Variants in ILKAP observed in about 807,000 individuals in gnomAD.
ILKAP encodes the protein ILK associated serine/threonine phosphatase.
ILKAP carries 11 observed loss-of-function variants against 49.1 expected under a neutral mutation model. The observed-to-expected ratio is 0.22, with a 90% CI of 0.14 to 0.37. The LOEUF (loss-of-function observed/expected upper bound fraction) is 0.37. ILKAP is among the 10% of genes least tolerant of loss of function. ILKAP has a pLI of 1.00. For missense variants in ILKAP, 363 were observed against 510.8 expected (o/e 0.71, Z 2.79); for synonymous variants, 186 against 192.8 (o/e 0.96, Z 0.29).
chr2:238,194,859 G>A lies in ILKAP; in HGVS notation c.67C>T (p.Gln23Ter). 4 of 1,614,030 alleles carry A rather than the reference G, an allele frequency of 2.5e-6. No individual in the cohort carries two copies. Among genetic ancestry groups the A allele is most frequent in the Non-Finnish European group, 3.4e-6 (4 of 1,179,890 alleles). The change falls in exon 2 of 12, where the codon CAG becomes TAG. Residue 23 changes from glutamine to a stop codon, truncating the protein, a stop_gained. Coordinates refer to ENST00000254654, the MANE Select transcript of ILKAP (RefSeq NM_030768.3). LOFTEE classifies it high-confidence loss of function. ...TCATCAAAGAGCAGGGGTCCTTTCT[G>A]AGCTTCTTTCCCTAAAACACAGAAA... ...SPRPAAGKEA[Q>*]KGPLLFDDLP...
intron 3 of ILKAP, among the ~76,000 whole-genome samples, chr2:238,191,987 C>T (rs980663458): frequency 2.0e-5 from 3 of 150,916 alleles, no homozygotes; most frequent in Admixed American, 6.6e-5. Context: ...CAGAGGCAGG[C>T]GGATCATGAG....
intron 9 of ILKAP, among the ~76,000 whole-genome samples, chr2:238,180,765 G>C (rs189626026): frequency 4.4e-4 from 67 of 152,324 alleles, no homozygotes; most frequent in African/African-American, 1.5e-3. Context: ...TAAGGACTGG[G>C]ATATAGGAAG....
intron 4 of ILKAP, 180 bp from the exon 5 acceptor site, chr2:238,188,437 G>A (rs1693992568): frequency 1.0e-5 from 7 of 685,324 alleles, no homozygotes; most frequent in South Asian, 8.0e-5. Context: ...AACTCAAATC[G>A]GAGCACTGTT....
At chr2:238,187,492 T>C (rs1398723948) in intron 5 of ILKAP, among the ~76,000 whole-genome samples, 6 of 152,170 alleles carry the variant, frequency 3.9e-5, no homozygotes, top group Non-Finnish European at 2.9e-5. Flanking sequence ...CAACTTAATG[T>C]CCTACCTTCT....
intron 1 of ILKAP, among the ~76,000 whole-genome samples, chr2:238,200,539 G>A (rs1037892084): frequency 2.0e-5 from 3 of 152,182 alleles, no homozygotes; most frequent in Non-Finnish European, 4.4e-5. Context: ...TAATGGCTCA[G>A]CCAGGCACAG....
intron 3 of ILKAP, among the ~76,000 whole-genome samples, chr2:238,191,669 A>G (rs1694127868): frequency 6.6e-6 from 1 of 152,212 alleles, no homozygotes; most frequent in South Asian, 2.1e-4. Flanking sequence ...GCACTTTGGG[A>G]GGCTGAGATG....
intron 7 of ILKAP, 75 bp downstream of exon 7, chr2:238,183,945 C>T (rs756976372): frequency 1.2e-5 from 13 of 1,066,020 alleles, no homozygotes; most frequent in Non-Finnish European, 1.9e-5. Flanking sequence ...TGTTAAACCA[C>T]ATCAGAAGAC....
chr2:238,193,086 A>G (rs1694206485), intron 3 of ILKAP, among the ~76,000 whole-genome samples: 2 of 152,246 alleles, frequency 1.3e-5, no homozygotes, highest in African/African-American at 4.8e-5. Context: ...CAAAAAATTA[A>G]GCTTGTTAAT....
At chr2:238,173,724 C>T (rs1383093985) in intron 9 of ILKAP, 71 bp from the exon 10 acceptor site, 1 of 1,509,490 alleles carries the variant, frequency 6.6e-7, no homozygotes, top group South Asian at 1.2e-5. Context: ...AGAATCTCAC[C>T]TTAAAAGCAG....
At position 238,182,194 on chromosome 2, in the gene ILKAP, G is replaced by T. The variant is rs191155817; in HGVS notation, c.715-8C>A. The T allele has an allele frequency of 5.4e-4, 877 of 1,613,138 alleles. No individual in the cohort carries two copies. The highest frequency in any genetic ancestry group is 2.9e-3 in the Admixed American group (172 of 60,004). On this transcript the variant is annotated splice_region_variant and splice_polypyrimidine_tract_variant and intron_variant, in intron 8 of 11. Coordinates refer to ENST00000254654, the MANE Select transcript of ILKAP (RefSeq NM_030768.3). ...ATAACGACACAAGATTGCCTGGGAA[G>T]ATGGAGATTGTAATAGTCATGAAAT...
intron 9 of ILKAP, among the ~76,000 whole-genome samples, chr2:238,179,420 A>C (rs10173809): frequency 0.11 from 16,562 of 152,256 alleles, 1,836 homozygotes; most frequent in African/African-American, 0.29. Context: ...ATTGATGATA[A>C]GAAGTTTCTT....
intron 10 of ILKAP, 80 bp from the exon 11 acceptor site, chr2:238,171,104 G>A (rs1300748424): frequency 5.8e-6 from 5 of 868,708 alleles, no homozygotes; most frequent in East Asian, 5.2e-5. Context: ...TGGAGATGGA[G>A]ATAAAATAAA....
chr2:238,197,875 T>C (rs1392598895), intron 1 of ILKAP, among the ~76,000 whole-genome samples: 1 of 152,176 alleles, frequency 6.6e-6, no homozygotes, highest in East Asian at 1.9e-4. Context: ...ATTTAATTCT[T>C]ATGAGATAGG....
At chr2:238,178,162 A>G (rs565296146) in intron 9 of ILKAP, among the ~76,000 whole-genome samples, 29 of 152,326 alleles carry the variant, frequency 1.9e-4, no homozygotes, top group African/African-American at 6.5e-4. Context: ...AGAGAACAGC[A>G]AGGAACACAA....
intron 8 of ILKAP, among the ~76,000 whole-genome samples, chr2:238,183,128 G>C (rs527803160): frequency 6.6e-6 from 1 of 152,256 alleles, no homozygotes; most frequent in Non-Finnish European, 1.5e-5. Context: ...GCATCCCCAC[G>C]ACTGTCACCA....
intron 11 of ILKAP, 115 bp downstream of exon 11, chr2:238,170,828 A>G: frequency 6.9e-7 from 1 of 1,450,746 alleles, no homozygotes; most frequent in Non-Finnish European, 9.7e-7. Context: ...GTTCACACTG[A>G]AAAAGGGCAC....
intron 9 of ILKAP, among the ~76,000 whole-genome samples, chr2:238,177,488 C>T (rs533538214): frequency 1.3e-5 from 2 of 152,280 alleles, no homozygotes; most frequent in East Asian, 3.9e-4. Flanking sequence ...GATTCATTCC[C>T]CAGAATTCAT....
chr2:238,187,486 T>A (rs897096951), intron 5 of ILKAP, among the ~76,000 whole-genome samples: 1 of 152,260 alleles, frequency 6.6e-6, no homozygotes, highest in African/African-American at 2.4e-5. Context: ...TACAGCCAAC[T>A]TAATGTCCTA....
rs770676962 is a variant in ILKAP, at chr2:238,194,839, A to G, written c.87T>C (p.Phe29=). 1.9e-6 allele frequency: 3 copies of G among 1,614,186 alleles called. No homozygotes were observed. The highest frequency in any genetic ancestry group is 2.2e-5 in the East Asian group (1 of 44,880). Residue 29 remains phenylalanine, a synonymous_variant, in exon 2 of 12, where the codon TTT becomes TTC. Transcript: ENST00000254654. ...GKEAQKGPLL[F]DDLPPASSTD... Reference sequence around the variant, plus strand: ...TACTGCTGGCCGGAGGGAGGTCATCAAAGAGCAGGGGTCCTTTCTGAGCTT... The same window carrying G: ...TACTGCTGGCCGGAGGGAGGTCATCGAAGAGCAGGGGTCCTTTCTGAGCTT...
Sources: gnomAD v4.1 joint callset for allele counts (sites outside exome capture counted in the v4.1 genomes callset) on GRCh38, gnomAD v4.1.1 for gene constraint, MANE v1.5 for transcripts, NCBI Gene and HGNC (gene_info 2026-07-23, HGNC 2026-07-21) for gene names.